The following CCT3 variants were observed in gnomAD, a reference collection of about 807,000 sequenced individuals.
CCT3 encodes the protein chaperonin containing TCP1 subunit 3, also known as T-complex protein 1 subunit gamma.
In CCT3, 10 loss-of-function variants were observed where a neutral mutation model predicts 65.3. The observed-to-expected ratio is 0.15, with a 90% confidence interval of 0.09 to 0.26. The LOEUF (loss-of-function observed/expected upper bound fraction) is 0.26, where lower values mean the gene tolerates loss of function less well. Among genes scored for constraint, CCT3 ranks in the 10% least tolerant of loss-of-function variants. The probability of loss-of-function intolerance (pLI) is 1.00; values close to 1 mark genes in which losing one functional copy is unlikely to be tolerated. For missense variants in CCT3, 626 were observed against 708.7 expected (o/e 0.88, Z 1.33); for synonymous variants, 225 against 242.3 (o/e 0.93, Z 0.66).
chr1:156,335,094 C>T (rs548815687), intron 2 of CCT3, 176 bp from the exon 3 acceptor site: 175 of 571,854 alleles, frequency 3.1e-4, no homozygotes, highest in African/African-American at 3.0e-3. Context: ...TGGTCTCAAA[C>T]CCCTGGGCCC....
intron 5 of CCT3, among the ~76,000 whole-genome samples, chr1:156,325,339 AAC>A (rs1339782260): frequency 1.3e-5 from 2 of 152,162 alleles, no homozygotes; most frequent in Non-Finnish European, 2.9e-5. Flanking sequence ...CAGCCTGGGC[AAC>A]ACAGTGAGAC....
intron 2 of CCT3, 175 bp downstream of exon 2, chr1:156,335,652 G>C (rs1183216053): frequency 1.8e-6 from 1 of 565,376 alleles, no homozygotes. Flanking sequence ...AACTCAGAAG[G>C]GGAGGGCTTC....
At chr1:156,311,236 G>A (rs1664073274) in intron 11 of CCT3, 41 bp from the exon 12 acceptor site, 1 of 1,590,248 alleles carries the variant, frequency 6.3e-7, no homozygotes, top group Non-Finnish European at 8.6e-7. Flanking sequence ...AAAGCTTGAT[G>A]ACTCATAAAA....
In CCT3 at chr1:156,319,009, T is replaced by C; in HGVS notation, c.618A>G (p.Gly206=). Residue 206 remains glycine, a synonymous_variant, in exon 8 of 14, where the codon GGA becomes GGG. Coordinates refer to ENST00000295688, the MANE Select transcript of CCT3 (RefSeq NM_005998.5). ...AGACACAGGAGTCTTCAATGATGCC[T>C]CCAGGTATCTGAACAAAAGACAACT... ...KKYARVEKIP[G]GIIEDSCVLR... is the part of the protein sequence containing the mutation. 6.2e-7 allele frequency: 1 copy of C among 1,604,620 alleles called. No homozygotes were observed. Among genetic ancestry groups the C allele is most frequent in the Non-Finnish European group, 8.5e-7 (1 of 1,176,628 alleles).
intron 1 of CCT3, chr1:156,337,792 G>GGAA (rs1553304403): frequency 1.8e-5 from 5 of 280,666 alleles, no homozygotes; most frequent in Admixed American, 5.4e-5. Context: ...AGACCTAACT[G>GGAA]AAAAAAAAAC....
At position 156,315,078 on chromosome 1, in the gene CCT3, T is replaced by G. The variant is rs188348844; in HGVS notation, c.974+2088A>C. The stretch of plus-strand genomic sequence containing the variant: ...ATCCTGCCTCCCCTTCTACCACTCT[T>G]CTGCCTCTGACACCCAAGACAGAAA... On this transcript the variant is annotated intron_variant, in intron 10 of 13. Transcript: ENST00000295688. Among the ~76,000 whole-genome samples, 1,438 of 152,258 alleles carry G rather than the reference T, an allele frequency of 9.4e-3. 22 individuals carry two copies. Among genetic ancestry groups the G allele is most frequent in the African/African-American group, 0.033 (1,378 of 41,540 alleles).
intron 5 of CCT3, among the ~76,000 whole-genome samples, chr1:156,330,875 C>T (rs1665071921): frequency 6.6e-6 from 1 of 151,760 alleles, no homozygotes; most frequent in South Asian, 2.1e-4. Context: ...GACTGTGCCA[C>T]TGCACTCCAG....
chr1:156,323,712 G>A (rs957266463), intron 6 of CCT3, among the ~76,000 whole-genome samples: 4 of 151,752 alleles, frequency 2.6e-5, no homozygotes, highest in Non-Finnish European at 5.9e-5. Flanking sequence ...TGATCCGCCC[G>A]CCTCCGCCTC....
intron 6 of CCT3, among the ~76,000 whole-genome samples, chr1:156,322,509 T>G (rs542621401): frequency 1.1e-4 from 16 of 151,884 alleles, no homozygotes; most frequent in East Asian, 1.9e-4. Context: ...CCAAAAAAAT[T>G]TTTTTAATAA....
Position 156,337,627 on chromosome 1 carries a change from A to C in CCT3, c.31+527T>G, listed in dbSNP as rs559488500. The stretch of plus-strand genomic sequence containing the variant: ...AAAATAAATGTAACGTAAAGTGACC[A>C]AGGATATTACCTATTTACCAGACCC... On this transcript the variant is annotated intron_variant, in intron 1 of 13. Transcript: ENST00000295688. The C allele has an allele frequency of 3.6e-5, 6 of 166,932 alleles. No homozygotes were observed. In the South Asian group the frequency reaches 3.8e-4, roughly 11 times the overall value. 10.3% of individuals were successfully genotyped at this position (166,932 alleles called of 1,614,324 possible).
chr1:156,334,331 C>G (rs1665239338), intron 4 of CCT3, among the ~76,000 whole-genome samples: 1 of 151,742 alleles, frequency 6.6e-6, no homozygotes. Context: ...GCAGATGTAA[C>G]CAAGTTAGAT....
intron 5 of CCT3, among the ~76,000 whole-genome samples, chr1:156,331,688 CATAAATAAATAAATAA>C (rs569261761): frequency 6.6e-6 from 1 of 150,400 alleles, no homozygotes; most frequent in African/African-American, 2.4e-5. Flanking sequence ...GTCTCAAAAA[CATAAATAAATAAATAA>C]ATAAATAAAT....
At chr1:156,312,850 T>G (rs1664141564) in intron 10 of CCT3, among the ~76,000 whole-genome samples, 2 of 152,194 alleles carry the variant, frequency 1.3e-5, no homozygotes, top group African/African-American at 4.8e-5. Context: ...TACACTAATA[T>G]GATTTGAAAA....
chr1:156,314,735 CA>C (rs1216307615), intron 10 of CCT3, among the ~76,000 whole-genome samples: 1 of 151,206 alleles, frequency 6.6e-6, no homozygotes, highest in African/African-American at 2.4e-5. Flanking sequence ...AAAATAAAAA[CA>C]AAAAAAACCA....
At chr1:156,317,371 T>C (rs1392639463) in intron 9 of CCT3, 44 bp downstream of exon 9, 3 of 1,601,186 alleles carry the variant, frequency 1.9e-6, no homozygotes, top group South Asian at 2.2e-5. Flanking sequence ...TCACCCACCC[T>C]CGTCTACCTC....
intron 8 of CCT3, among the ~76,000 whole-genome samples, chr1:156,318,302 C>T (rs564133632): frequency 1.3e-5 from 2 of 149,082 alleles, no homozygotes; most frequent in Admixed American, 6.9e-5. Context: ...CAGCTCCTTG[C>T]ACCCTTGACC....
chr1:156,311,331 C>A (rs1664076135), intron 11 of CCT3, 136 bp from the exon 12 acceptor site: 1 of 740,104 alleles, frequency 1.4e-6, no homozygotes. Context: ...GGAACCCCTA[C>A]TGGGCAGGGC....
chr1:156,316,275 C>T (rs1664309579), intron 10 of CCT3, among the ~76,000 whole-genome samples: 1 of 152,108 alleles, frequency 6.6e-6, no homozygotes, highest in African/African-American at 2.4e-5. Context: ...AGGTTATACA[C>T]AAATACCATA....
intron 1 of CCT3, chr1:156,337,414 T>G (rs1053268239): frequency 7.1e-5 from 12 of 169,614 alleles, no homozygotes; most frequent in Admixed American, 3.0e-4. Context: ...TCTCAAAATA[T>G]AAAAAGAAAA....
Sources: gnomAD v4.1 joint callset for allele counts (sites outside exome capture counted in the v4.1 genomes callset) on GRCh38, gnomAD v4.1.1 for gene constraint, MANE v1.5 for transcripts, NCBI Gene and HGNC (gene_info 2026-07-23, HGNC 2026-07-21) for gene names.